Variants in SCHIP1 observed in about 807,000 individuals in gnomAD.
SCHIP1 encodes the protein schwannomin interacting protein 1.
In SCHIP1, 8 loss-of-function variants were observed where a neutral mutation model predicts 29.7. The observed-to-expected ratio is 0.27, with a 90% CI of 0.16 to 0.49. The LOEUF is 0.49. Among genes scored for constraint, SCHIP1 ranks in the 20% least tolerant of loss-of-function variants. The pLI is 0.99. For synonymous variants in SCHIP1, 76 were observed against 94.9 expected (o/e 0.80, Z 1.16); for missense variants, 193 against 294.6 (o/e 0.66, Z 2.52).
At chr3:159,296,584 G>A in the SCHIP1 span, among the ~76,000 whole-genome samples, 4 of 152,062 alleles carry the variant, frequency 2.6e-5, no homozygotes, top group African/African-American at 9.7e-5. Flanking sequence ...GACCAGCCTG[G>A]CCAACATGGC....
chr3:159,472,675 G>A, the SCHIP1 span, among the ~76,000 whole-genome samples: 2 of 152,158 alleles, frequency 1.3e-5, no homozygotes, highest in Non-Finnish European at 2.9e-5. Flanking sequence ...GGGATAAAAA[G>A]TATGAAGCAC....
upstream of SCHIP1, among the ~76,000 whole-genome samples, chr3:159,838,414 G>A (rs1315284192): frequency 2.0e-5 from 3 of 152,194 alleles, no homozygotes; most frequent in Non-Finnish European, 4.4e-5. Context: ...CAGTAGCACA[G>A]TGAAACTGCG....
the SCHIP1 span, among the ~76,000 whole-genome samples, chr3:159,641,471 A>G: frequency 2.2e-4 from 33 of 152,258 alleles, no homozygotes; most frequent in African/African-American, 7.0e-4. Context: ...TTTAGCATCA[A>G]TTTCATGGAG....
At chr3:159,593,590 A>G in the SCHIP1 span, among the ~76,000 whole-genome samples, 1 of 152,188 alleles carries the variant, frequency 6.6e-6, no homozygotes, top group Admixed American at 6.5e-5. Flanking sequence ...AGAAGTCCTC[A>G]AGAGGCTGCC....
At position 159,853,054 on chromosome 3, in the gene SCHIP1, T is replaced by C. The variant is rs553212579; in HGVS notation, c.30+12840T>C. On this transcript the variant is annotated intron_variant, in intron 1 of 6. Transcript: ENST00000445224. ...CCTTTCTTGGGAACAGGAAAGGTGC[T>C]GTGGAGAGGAATTGGGGCGGGATCA... The C allele has an allele frequency of 2.2e-5, 5 of 229,314 alleles. No individual in the cohort carries two copies. In the East Asian group the frequency reaches 3.4e-4, roughly 16 times the overall value. 14.2% of individuals were successfully genotyped at this position (229,314 alleles called of 1,614,324 possible).
chr3:159,312,472 C>T, the SCHIP1 span, among the ~76,000 whole-genome samples: 3 of 152,118 alleles, frequency 2.0e-5, no homozygotes, highest in Non-Finnish European at 2.9e-5. Flanking sequence ...GTGCCAATTT[C>T]GCAAGTGACG....
chr3:159,800,336 A>G, the SCHIP1 span, among the ~76,000 whole-genome samples: 2 of 152,120 alleles, frequency 1.3e-5, no homozygotes, highest in East Asian at 3.9e-4. Flanking sequence ...ATCTCTGGGG[A>G]TATCTCTTAC....
At chr3:159,750,933 C>G in the SCHIP1 span, among the ~76,000 whole-genome samples, 1 of 151,772 alleles carries the variant, frequency 6.6e-6, no homozygotes, top group East Asian at 1.9e-4. Flanking sequence ...TTTTACTTTT[C>G]TAGGTTAAAA....
chr3:159,794,632 A>T, the SCHIP1 span, among the ~76,000 whole-genome samples: 1 of 152,214 alleles, frequency 6.6e-6, no homozygotes, highest in South Asian at 2.1e-4. Flanking sequence ...GTATTTCAAC[A>T]TAATTGGTTT....
At chr3:159,745,315 G>C in the SCHIP1 span, among the ~76,000 whole-genome samples, 6 of 152,276 alleles carry the variant, frequency 3.9e-5, no homozygotes, top group South Asian at 1.2e-3. Flanking sequence ...TCAAGGAGCC[G>C]GGTGTTTAAT....
At chr3:159,344,804 G>T in the SCHIP1 span, among the ~76,000 whole-genome samples, 1 of 152,184 alleles carries the variant, frequency 6.6e-6, no homozygotes, top group African/African-American at 2.4e-5. Context: ...ATAGGAATGT[G>T]TCCTTACTGG....
the SCHIP1 span, among the ~76,000 whole-genome samples, chr3:159,734,661 C>T: frequency 6.6e-6 from 1 of 151,914 alleles, no homozygotes; most frequent in Admixed American, 6.6e-5. Flanking sequence ...TAACCATAGG[C>T]AAATTACTCA....
chr3:159,321,619 G>A, the SCHIP1 span, among the ~76,000 whole-genome samples: 285 of 151,986 alleles, frequency 1.9e-3, no homozygotes, highest in African/African-American at 6.5e-3. Flanking sequence ...CAATGTGCAG[G>A]TTAGTTACAT....
the SCHIP1 span, among the ~76,000 whole-genome samples, chr3:159,312,146 T>C: frequency 6.6e-6 from 1 of 152,176 alleles, no homozygotes; most frequent in Non-Finnish European, 1.5e-5. Flanking sequence ...ACTTAGCAGG[T>C]TATGAGCCAG....
At chr3:159,434,122 G>T in the SCHIP1 span, among the ~76,000 whole-genome samples, 1 of 152,168 alleles carries the variant, frequency 6.6e-6, no homozygotes, top group African/African-American at 2.4e-5. Context: ...AAATGTTTGT[G>T]GATATAGTGA....
At chr3:159,629,326 C>CT in the SCHIP1 span, among the ~76,000 whole-genome samples, 1 of 152,088 alleles carries the variant, frequency 6.6e-6, no homozygotes, top group African/African-American at 2.4e-5. Flanking sequence ...ACTGAATTTT[C>CT]TTTTTCTGGC....
At chr3:159,550,972 A>G in the SCHIP1 span, among the ~76,000 whole-genome samples, 314 of 152,256 alleles carry the variant, frequency 2.1e-3, 3 homozygotes, top group African/African-American at 7.1e-3. Flanking sequence ...TCTCAATGAG[A>G]TCTTTTTATT....
the SCHIP1 span, among the ~76,000 whole-genome samples, chr3:159,284,011 A>C: frequency 6.6e-6 from 1 of 152,042 alleles, no homozygotes; most frequent in South Asian, 2.1e-4. Flanking sequence ...AACGAAATTC[A>C]CCTGTAGTTT....
chr3:159,654,702 G>T, the SCHIP1 span, among the ~76,000 whole-genome samples: 1 of 150,858 alleles, frequency 6.6e-6, no homozygotes, highest in Non-Finnish European at 1.5e-5. Flanking sequence ...GGCCCATGGG[G>T]AATTGGGGTC....
Sources: gnomAD v4.1 joint callset for allele counts (sites outside exome capture counted in the v4.1 genomes callset) on GRCh38, gnomAD v4.1.1 for gene constraint, MANE v1.5 for transcripts, NCBI Gene and HGNC (gene_info 2026-07-23, HGNC 2026-07-21) for gene names.